HIVEP3: variants seen among roughly 807,000 people sequenced by gnomAD.
HIVEP3 encodes the protein transcription factor HIVEP3.
Under a neutral mutation model 152.8 loss-of-function variants are expected in HIVEP3, and 49 were observed. That is an observed-to-expected ratio of 0.32 (90% CI 0.26 to 0.41). The LOEUF (loss-of-function observed/expected upper bound fraction) is 0.41, where lower values mean the gene tolerates loss of function less well. Among genes scored for constraint, HIVEP3 ranks in the 10% least tolerant of loss-of-function variants. HIVEP3 has a pLI of 1.00. For missense variants in HIVEP3, 2,790 were observed against 3,103.3 expected (o/e 0.90, Z 2.40); for synonymous variants, 1,269 against 1,289.0 (o/e 0.98, Z 0.33).
intron 6 of HIVEP3, among the ~76,000 whole-genome samples, chr1:41,520,487 A>C (rs1451191193): frequency 1.3e-5 from 2 of 152,190 alleles, no homozygotes; most frequent in African/African-American, 2.4e-5. Flanking sequence ...TGTCATGAGA[A>C]GGCAAAGCCA....
At chr1:41,923,234 T>C (rs1644950405), upstream of HIVEP3, among the ~76,000 whole-genome samples, 1 of 152,222 alleles carries the variant, frequency 6.6e-6, no homozygotes, top group African/African-American at 2.4e-5. Flanking sequence ...ATAAATAGTG[T>C]TGGACTGTGG....
intron 5 of HIVEP3, among the ~76,000 whole-genome samples, chr1:41,554,579 T>C (rs1643936773): frequency 1.3e-5 from 2 of 152,362 alleles, no homozygotes; most frequent in Admixed American, 1.3e-4. Context: ...CTCTGATCTT[T>C]AGAATTTTCA....
chr1:41,840,458 A>G (rs1181525691), intron 1 of HIVEP3, among the ~76,000 whole-genome samples: 1 of 152,148 alleles, frequency 6.6e-6, no homozygotes, highest in African/African-American at 2.4e-5. Context: ...AGAGGCACAG[A>G]AGGATCCTTC....
At chr1:41,605,376 C>T (rs1200090098) in intron 3 of HIVEP3, among the ~76,000 whole-genome samples, 2 of 47,902 alleles carry the variant, frequency 4.2e-5, no homozygotes, top group Non-Finnish European at 1.1e-4. Flanking sequence ...CGCACACGCG[C>T]ACACACACAC....
chr1:41,965,464 A>C (rs1267045270), intron 1 of HIVEP3, among the ~76,000 whole-genome samples: 2 of 152,218 alleles, frequency 1.3e-5, no homozygotes. Context: ...ACCCAAGGCA[A>C]AGAAGCTAAG....
intron 1 of HIVEP3, among the ~76,000 whole-genome samples, chr1:42,025,567 G>A (rs892292667): frequency 3.3e-5 from 5 of 152,130 alleles, no homozygotes; most frequent in South Asian, 2.1e-4. Context: ...TTCCCTGTAC[G>A]CTTTGTTATT....
intron 3 of HIVEP3, among the ~76,000 whole-genome samples, chr1:41,604,846 A>C (rs1004603799): frequency 1.4e-4 from 22 of 152,138 alleles, no homozygotes; most frequent in African/African-American, 5.3e-4. Flanking sequence ...GCTCATGCCT[A>C]TAATCTCAGC....
intron 1 of HIVEP3, among the ~76,000 whole-genome samples, chr1:41,900,888 G>C (rs941635125): frequency 2.6e-5 from 4 of 152,052 alleles, no homozygotes; most frequent in Non-Finnish European, 4.4e-5. Context: ...GCATACCTTG[G>C]GAAGAATTTT....
intron 1 of HIVEP3, among the ~76,000 whole-genome samples, chr1:42,012,099 AT>A (rs1456075596): frequency 2.0e-5 from 3 of 152,260 alleles, no homozygotes; most frequent in East Asian, 3.9e-4. Flanking sequence ...ACCCTGGAAC[AT>A]TTCCTCTGGT....
At chr1:41,959,709 G>A (rs537533782) in intron 1 of HIVEP3, among the ~76,000 whole-genome samples, 1 of 152,320 alleles carries the variant, frequency 6.6e-6, no homozygotes, top group South Asian at 2.1e-4. Flanking sequence ...GGACAAAGCA[G>A]GAGTGACCCC....
chr1:41,536,735 T>C (rs1643410633), intron 5 of HIVEP3, among the ~76,000 whole-genome samples: 1 of 152,176 alleles, frequency 6.6e-6, no homozygotes. Flanking sequence ...AGCAAACTCT[T>C]ACACTGGGTG....
chr1:41,512,084 G>T (rs576648006), intron 8 of HIVEP3, among the ~76,000 whole-genome samples: 1 of 152,132 alleles, frequency 6.6e-6, no homozygotes, highest in East Asian at 1.9e-4. Flanking sequence ...TGGGGATGGG[G>T]TGGGGGATGG....
At chr1:41,655,719 A>G (rs1255793937) in intron 2 of HIVEP3, among the ~76,000 whole-genome samples, 1 of 150,846 alleles carries the variant, frequency 6.6e-6, no homozygotes, top group African/African-American at 2.4e-5. Context: ...CACATTCCCT[A>G]TTGCCGTGTT....
At chr1:41,754,314 G>A (rs954108974) in intron 1 of HIVEP3, among the ~76,000 whole-genome samples, 1 of 152,138 alleles carries the variant, frequency 6.6e-6, no homozygotes, top group African/African-American at 2.4e-5. Context: ...TGGCTTCTGG[G>A]TGGTGAAGAG....
chr1:42,006,865 C>T (rs1570887033), intron 1 of HIVEP3, among the ~76,000 whole-genome samples: 3 of 152,272 alleles, frequency 2.0e-5, no homozygotes, highest in Admixed American at 1.3e-4. Context: ...TGAGAATGAC[C>T]GTACTAGCCA....
At chr1:41,940,445 G>A (rs1253004715) in intron 1 of HIVEP3, among the ~76,000 whole-genome samples, 2 of 152,156 alleles carry the variant, frequency 1.3e-5, no homozygotes, top group Non-Finnish European at 2.9e-5. Context: ...ATGTATATAT[G>A]TATTTGCTTA....
At position 41,526,118 on chromosome 1, in the gene HIVEP3, C is replaced by T. The variant is rs569156002; in HGVS notation, c.5208-1208G>A. Among the ~76,000 whole-genome samples the T allele has an allele frequency of 3.9e-5, 6 of 152,072 alleles. 1 individual carries two copies. Among genetic ancestry groups the T allele is most frequent in the African/African-American group, 1.4e-4 (6 of 41,436 alleles). On this transcript the variant is annotated intron_variant, in intron 5 of 8. Transcript: ENST00000372583. ...GTCGGGGCGGGGGGGCTCCACCCTG[C>T]TCCAATGGGGCCATCAGCTTACAGC...
chr1:41,563,326 G>A (rs566151936), intron 5 of HIVEP3, among the ~76,000 whole-genome samples: 7 of 151,612 alleles, frequency 4.6e-5, no homozygotes, highest in South Asian at 2.1e-4. Flanking sequence ...CAGCCTGGGC[G>A]ATAGAGAGAC....
intron 2 of HIVEP3, among the ~76,000 whole-genome samples, chr1:41,674,772 C>T (rs1645929726): frequency 6.6e-6 from 1 of 152,202 alleles, no homozygotes; most frequent in Admixed American, 6.5e-5. Flanking sequence ...CAGCCTTTCC[C>T]ATGGTCAATT....
Sources: gnomAD v4.1 joint callset for allele counts (sites outside exome capture counted in the v4.1 genomes callset) on GRCh38, gnomAD v4.1.1 for gene constraint, MANE v1.5 for transcripts, NCBI Gene and HGNC (gene_info 2026-07-23, HGNC 2026-07-21) for gene names.